DNAJC13: variants seen among roughly 807,000 people sequenced by gnomAD.
DNAJC13 encodes DnaJ heat shock protein family (Hsp40) member C13.
DNAJC13 carries 75 observed loss-of-function variants against 290.5 expected under a neutral mutation model. The ratio of observed to expected loss-of-function variants is 0.26; its 90% CI spans 0.21 to 0.31. The LOEUF is 0.31. Ranked by LOEUF, DNAJC13 falls within the 10% of genes least tolerant of loss-of-function variation. DNAJC13 has a pLI of 1.00. For missense variants in DNAJC13, 2,260 were observed against 2,674.5 expected, an observed-to-expected ratio of 0.85 and a Z score of 3.42; for synonymous variants, 862 against 892.0, an observed-to-expected ratio of 0.97 and a Z score of 0.60.
intron 9 of DNAJC13, among the ~76,000 whole-genome samples, chr3:132,455,620 CT>C (rs1328832005): frequency 6.6e-6 from 1 of 152,086 alleles, no homozygotes; most frequent in East Asian, 1.9e-4. Context: ...AAAATGTTGC[CT>C]GTTCATACAA....
intron 45 of DNAJC13, among the ~76,000 whole-genome samples, chr3:132,514,121 G>A (rs752293572): frequency 1.3e-5 from 2 of 152,128 alleles, no homozygotes; most frequent in Non-Finnish European, 2.9e-5. Context: ...GACCAATGAT[G>A]TTTAGATGTA....
At chr3:132,475,190 C>T (rs760828346) in intron 22 of DNAJC13, 105 bp downstream of exon 22, 249 of 739,476 alleles carry the variant, frequency 3.4e-4, no homozygotes, top group Non-Finnish European at 4.7e-4. Flanking sequence ...CTGGTCTTTA[C>T]CTTTCCCCCT....
intron 2 of DNAJC13, among the ~76,000 whole-genome samples, chr3:132,445,022 A>AG (rs1933197232): frequency 6.6e-6 from 1 of 152,150 alleles, no homozygotes; most frequent in South Asian, 2.1e-4. Context: ...ATACTTTCTC[A>AG]TTTTTATAAT....
rs561378358 is a variant in DNAJC13, at chr3:132,481,757, A to G, written c.2875-469A>G. Among the ~76,000 whole-genome samples, 5 of 152,382 alleles carry G rather than the reference A, an allele frequency of 3.3e-5. No individual in the cohort carries two copies. The East Asian group carries it at 9.6e-4, about 29-fold the overall frequency. ...ACCACTGAAAACTAACTTTGCTGTT[A>G]GCATTTTAATGCTTTGATCTCAGAT... On this transcript the variant is annotated intron_variant, in intron 26 of 55. Coordinates refer to ENST00000260818, the MANE Select transcript of DNAJC13 (RefSeq NM_015268.4).
At position 132,444,238 on chromosome 3, in the gene DNAJC13, A is replaced by G. The variant is rs182008756; in HGVS notation, c.69-2237A>G. On this transcript the variant is annotated intron_variant, in intron 2 of 55. Coordinates refer to ENST00000260818, the MANE Select transcript of DNAJC13 (RefSeq NM_015268.4). ...CTGAAACCATCCCCCTGCCCTGTCC[A>G]TGGAAAAATTGTCTTCCACAAAGCC... is the stretch of plus-strand genomic sequence containing the variant. Among the ~76,000 whole-genome samples, 92 of 152,318 alleles carry G rather than the reference A, an allele frequency of 6.0e-4. 1 individual carries two copies. The East Asian group carries it at 7.5e-3, about 12-fold the overall frequency.
rs754680549 is a variant in DNAJC13 at position 132,496,588 on chromosome 3, G to A, written c.4081G>A (p.Val1361Met). 1.9e-6 allele frequency: 3 copies of A among 1,611,450 alleles called. No homozygotes were observed. The highest frequency in any genetic ancestry group is 1.7e-6 in the Non-Finnish European group (2 of 1,178,508). ...EFLCTKSAKI[V>M]DGPDPENIIL... ...TTTATGTACCAAATCAGCAAAAATA[G>A]TGGATGGGCCAGATCCAGAGAATAT... The change falls in exon 36 of 56, where the codon GTG (valine) becomes ATG (methionine). Residue 1361 changes from valine to methionine, a missense_variant. Val to Met is a conservative substitution (Grantham distance 21). Transcript: ENST00000260818.
intron 20 of DNAJC13, among the ~76,000 whole-genome samples, chr3:132,470,648 G>A (rs1934184316): frequency 2.1e-5 from 3 of 140,142 alleles, no homozygotes; most frequent in African/African-American, 2.7e-5. Context: ...CGGACGGGGC[G>A]GCTGGCCGGG....
At chr3:132,421,632 G>A (rs1938962373) in intron 1 of DNAJC13, among the ~76,000 whole-genome samples, 1 of 151,650 alleles carries the variant, frequency 6.6e-6, no homozygotes, top group Non-Finnish European at 1.5e-5. Context: ...AGGAGACAGA[G>A]TTTCACCATG....
chr3:132,529,570 G>A (rs1339638646), intron 54 of DNAJC13, among the ~76,000 whole-genome samples: 1 of 152,120 alleles, frequency 6.6e-6, no homozygotes, highest in East Asian at 1.9e-4. Context: ...GGTGGATCAC[G>A]AGGTCAGGAG....
chr3:132,512,931 C>T lies in DNAJC13; in HGVS notation c.5294-77C>T, dbSNP rs914162519. 18 of 1,179,096 alleles carry T rather than the reference C, an allele frequency of 1.5e-5. No homozygotes were observed. In the African/African-American group the frequency reaches 2.1e-4, roughly 14 times the overall value. 73.0% of individuals were successfully genotyped at this position (1,179,096 alleles called of 1,614,324 possible). A position where few individuals can be genotyped will look rare whatever the true frequency, so the allele number is the denominator to read the frequency against. On this transcript the variant is annotated intron_variant, in intron 44 of 55. Transcript: ENST00000260818. Reference sequence around the variant, plus strand: ...GAGACTTAAAATTGACAGTAAACAACAGTGTATATCGGTTTTCTGAAGTTA... The same window carrying T: ...GAGACTTAAAATTGACAGTAAACAATAGTGTATATCGGTTTTCTGAAGTTA...
chr3:132,456,974 A>C (rs1933621627), intron 12 of DNAJC13, 142 bp downstream of exon 12: 1 of 1,014,066 alleles, frequency 9.9e-7, no homozygotes, highest in East Asian at 2.6e-5. Context: ...ATGAGAAATG[A>C]AAAAGGAAGG....
At chr3:132,495,061 T>A in intron 34 of DNAJC13, 27 bp from the exon 35 acceptor site, 1 of 1,565,248 alleles carries the variant, frequency 6.4e-7, no homozygotes, top group East Asian at 2.2e-5. Context: ...CTTACTATAC[T>A]CATAAAACAA....
intron 41 of DNAJC13, among the ~76,000 whole-genome samples, chr3:132,504,316 T>G (rs941317482): frequency 6.6e-5 from 10 of 151,874 alleles, no homozygotes; most frequent in African/African-American, 9.7e-5. Context: ...ACTGGTTTTT[T>G]TTTTTTTTTT....
intron 20 of DNAJC13, among the ~76,000 whole-genome samples, chr3:132,469,000 A>G (rs933728216): frequency 6.6e-6 from 1 of 152,196 alleles, no homozygotes; most frequent in Non-Finnish European, 1.5e-5. Flanking sequence ...CTATTTTAAA[A>G]CAATTGAGAG....
In DNAJC13 at chr3:132,538,095, C is replaced by T. The variant is rs934762378; in HGVS notation, c.6626-81C>T. The T allele has an allele frequency of 1.1e-5, 12 of 1,064,516 alleles. No individual in the cohort carries two copies. In the East Asian group the frequency reaches 2.9e-4, roughly 26 times the overall value. The allele number at this position is 1,064,516 out of a possible 1,614,324, so 65.9% of individuals were successfully genotyped here. ...AGTTTTGTGTGATGGAGTGCCTGAG[C>T]AGGTTCTGACATTTTTATAAAGGTC... On this transcript the variant is annotated intron_variant, in intron 55 of 55. Coordinates refer to ENST00000260818, the MANE Select transcript of DNAJC13 (RefSeq NM_015268.4).
chr3:132,482,998 C>G (rs746812835), intron 27 of DNAJC13, among the ~76,000 whole-genome samples: 15 of 152,150 alleles, frequency 9.9e-5, no homozygotes, highest in Non-Finnish European at 1.9e-4. Flanking sequence ...GACAGTTTTC[C>G]TCTTTATCTT....
intron 20 of DNAJC13, among the ~76,000 whole-genome samples, chr3:132,471,468 A>G (rs1385332106): frequency 8.8e-5 from 12 of 136,124 alleles, no homozygotes; most frequent in East Asian, 2.3e-4. Context: ...TGCCAGGCGG[A>G]GGGGCTCCTC....
chr3:132,521,304 T>C (rs1936083277), intron 48 of DNAJC13, among the ~76,000 whole-genome samples: 1 of 151,932 alleles, frequency 6.6e-6, no homozygotes, highest in African/African-American at 2.4e-5. Flanking sequence ...TCTTAGCTAC[T>C]CAGGAGGTTA....
At chr3:132,434,668 A>G (rs760212351) in intron 2 of DNAJC13, 50 bp downstream of exon 2, 28 of 1,450,778 alleles carry the variant, frequency 1.9e-5, no homozygotes, top group Non-Finnish European at 2.7e-5. Flanking sequence ...AAAATATTTT[A>G]AACATTACTG....
Sources: gnomAD v4.1 joint callset for allele counts (sites outside exome capture counted in the v4.1 genomes callset) on GRCh38, gnomAD v4.1.1 for gene constraint, MANE v1.5 for transcripts, NCBI Gene and HGNC (gene_info 2026-07-23, HGNC 2026-07-21) for gene names.